The following GAS7 variants were observed in gnomAD, a reference collection of about 807,000 sequenced individuals.
GAS7 encodes growth arrest-specific protein 7.
GAS7 carries 28 observed loss-of-function variants against 71.1 expected under a neutral mutation model. The observed-to-expected ratio is 0.39, with a 90% CI of 0.29 to 0.54. The LOEUF (loss-of-function observed/expected upper bound fraction) is 0.54, where lower values mean the gene tolerates loss of function less well. Ranked by LOEUF, GAS7 falls within the 20% of genes least tolerant of loss-of-function variation. The pLI, the probability that GAS7 is intolerant of heterozygous loss-of-function variation, is 0.62. For missense variants in GAS7, 436 were observed against 627.8 expected (o/e 0.69, Z 3.27); for synonymous variants, 258 against 245.8 (o/e 1.05, Z -0.46).
At chr17:10,193,610 T>C (rs1414684801) in intron 1 of GAS7, among the ~76,000 whole-genome samples, 1 of 152,186 alleles carries the variant, frequency 6.6e-6, no homozygotes, top group Non-Finnish European at 1.5e-5. Flanking sequence ...GCCTTTGCAT[T>C]CTTAGAAGCC....
At chr17:10,138,481 G>C (rs1431101450) in intron 1 of GAS7, among the ~76,000 whole-genome samples, 1 of 152,018 alleles carries the variant, frequency 6.6e-6, no homozygotes, top group Non-Finnish European at 1.5e-5. Flanking sequence ...AACCAAACTA[G>C]AGGCTGGACG....
intron 10 of GAS7, 23 bp from the exon 11 acceptor site, chr17:9,925,622 A>G: frequency 6.2e-7 from 1 of 1,613,950 alleles, no homozygotes; most frequent in African/African-American, 1.3e-5. Context: ...GACACGGAGA[A>G]GCTGCTCATA....
chr17:10,000,387 G>A (rs1324095401), intron 2 of GAS7, among the ~76,000 whole-genome samples: 1 of 152,152 alleles, frequency 6.6e-6, no homozygotes, highest in Non-Finnish European at 1.5e-5. Flanking sequence ...GTTGGAGGTA[G>A]GACCCTTTAA....
rs997303079 is a variant in GAS7, at chr17:10,137,688, T to C, written c.183+60520A>G. Among the ~76,000 whole-genome samples the C allele has an allele frequency of 9.9e-5, 15 of 151,382 alleles. 2 individuals carry two copies. Among genetic ancestry groups the C allele is most frequent in the Admixed American group, 6.6e-4 (10 of 15,190 alleles). On this transcript the variant is annotated intron_variant, in intron 1 of 13. Coordinates refer to ENST00000432992, the MANE Select transcript of GAS7 (RefSeq NM_201433.2). ...CTAAGTAGCTGGGATTACAGGTGCATGCCACCACACCAAGCTAATTTTTTG... is the reference window on the plus strand; with the variant it reads ...CTAAGTAGCTGGGATTACAGGTGCACGCCACCACACCAAGCTAATTTTTTG...
At chr17:10,126,344 T>G (rs2073946516) in intron 1 of GAS7, among the ~76,000 whole-genome samples, 1 of 128,590 alleles carries the variant, frequency 7.8e-6, no homozygotes, top group Non-Finnish European at 1.7e-5. Flanking sequence ...ACACACACAC[T>G]CATACACTCA....
At position 9,943,222 on chromosome 17, in the gene GAS7, G is replaced by A. The variant is rs370319105; in HGVS notation, c.630C>T (p.Asp210=). Reference sequence around the variant, plus strand: ...CAGCCACGGTGCCGTTGCCTTGGGGGTCCTTCTTATCAGCCTACAAAGGAA... The same window carrying A: ...CAGCCACGGTGCCGTTGCCTTGGGGATCCTTCTTATCAGCCTACAAAGGAA... ...YCDYFWADKK[D]PQGNGTVAGF... Residue 210 remains aspartate, a synonymous_variant, in exon 7 of 14, where the codon GAC becomes GAT. Transcript: ENST00000432992. 57 of 1,604,356 alleles carry A rather than the reference G, an allele frequency of 3.6e-5. No individual in the cohort carries two copies. The highest frequency in any genetic ancestry group is 1.6e-4 in the Middle Eastern group (1 of 6,070).
At chr17:10,189,836 A>G (rs73282005) in intron 1 of GAS7, among the ~76,000 whole-genome samples, 66,548 of 151,692 alleles carry the variant, frequency 0.44, 15,396 homozygotes, top group African/African-American at 0.59. Flanking sequence ...CTACTTGGGA[A>G]GCTGAGGCAT....
chr17:10,100,998 G>A (rs1017299443), intron 1 of GAS7, among the ~76,000 whole-genome samples: 2 of 152,200 alleles, frequency 1.3e-5, no homozygotes, highest in Admixed American at 6.5e-5. Context: ...GCCACGTGCA[G>A]TGGCTCATGC....
intron 1 of GAS7, among the ~76,000 whole-genome samples, chr17:10,114,771 A>AT: frequency 6.6e-6 from 1 of 151,822 alleles, no homozygotes; most frequent in East Asian, 1.9e-4. Flanking sequence ...CAGAGATCGC[A>AT]TTTTTCCACA....
chr17:10,023,790 A>G (rs2072361710), intron 1 of GAS7, among the ~76,000 whole-genome samples: 1 of 152,198 alleles, frequency 6.6e-6, no homozygotes, highest in African/African-American at 2.4e-5. Flanking sequence ...TATATCACTG[A>G]TGGTAAATAT....
intron 1 of GAS7, chr17:10,061,405 G>C (rs2073218354): frequency 2.6e-5 from 4 of 152,232 alleles, no homozygotes; most frequent in Admixed American, 2.6e-4. Flanking sequence ...CCCAGGCTTG[G>C]TGGCCCCCAG....
intron 1 of GAS7, among the ~76,000 whole-genome samples, chr17:10,161,163 T>A (rs139781120): frequency 6.2e-4 from 94 of 152,308 alleles, no homozygotes; most frequent in African/African-American, 2.2e-3. Context: ...TTACCAAAGA[T>A]GGTCATGGCA....
intron 2 of GAS7, among the ~76,000 whole-genome samples, chr17:10,017,133 A>AAAATAAATAAAT (rs3076181): frequency 1.4e-4 from 19 of 132,496 alleles, no homozygotes; most frequent in South Asian, 4.7e-4. Flanking sequence ...CCTGTCTAAA[A>AAAATAAATAAAT]AAATAAATAA....
At chr17:10,178,452 G>A (rs2074389057) in intron 1 of GAS7, among the ~76,000 whole-genome samples, 1 of 151,974 alleles carries the variant, frequency 6.6e-6, no homozygotes, top group Admixed American at 6.6e-5. Context: ...TTTTCTCCCA[G>A]GTGAGGCAGA....
chr17:9,981,461 G>A lies in GAS7; in HGVS notation c.385+343C>T, dbSNP rs950472206. On this transcript the variant is annotated intron_variant, in intron 3 of 13. Transcript: ENST00000432992. The surrounding 1 kb of genome is among the most constrained non-coding windows in gnomAD (Gnocchi z 4.4). ...TCTACCTCCTTTTAGCTTCTACTCC[G>A]TGATGTCCACAAGAGCCACATAGGG... Among the ~76,000 whole-genome samples the A allele has an allele frequency of 2.6e-5, 4 of 152,176 alleles. No homozygotes were observed. Among genetic ancestry groups the A allele is most frequent in the Middle Eastern group, 6.8e-3 (2 of 294 alleles).
At chr17:10,196,891 C>T (rs2074544826) in intron 1 of GAS7, among the ~76,000 whole-genome samples, 1 of 152,192 alleles carries the variant, frequency 6.6e-6, no homozygotes, top group African/African-American at 2.4e-5. Context: ...GCAGGGCACA[C>T]CTGAGCCTCT....
chr17:10,134,856 C>T (rs1484127367), intron 1 of GAS7, among the ~76,000 whole-genome samples: 2 of 149,712 alleles, frequency 1.3e-5, no homozygotes, highest in Non-Finnish European at 3.0e-5. Context: ...TTTTTTAAGA[C>T]AGTCTCTCGC....
At chr17:9,988,610 C>G in intron 2 of GAS7, among the ~76,000 whole-genome samples, 1 of 152,118 alleles carries the variant, frequency 6.6e-6, no homozygotes, top group East Asian at 1.9e-4. Flanking sequence ...TTGCTTGAAG[C>G]CAGGAGGCGG....
Position 9,926,650 on chromosome 17 carries a change from C to T in GAS7, c.1005G>A (p.Ser335=), listed in dbSNP as rs763662823. The T allele has an allele frequency of 3.0e-5, 48 of 1,613,426 alleles. No individual in the cohort carries two copies. The highest frequency in any genetic ancestry group is 4.0e-5 in the African/African-American group (3 of 74,946). ...GTCCTGGGCCTCTCACCTTCTCCAC[C>T]GAGGCATAGCGGCTGGCGAGCTGCT... The part of the protein sequence containing the change: ...LRKQLASRYA[S]VEKARKALTE... The change falls in exon 10 of 14, where the codon TCG becomes TCA. Residue 335 remains serine (S), a synonymous_variant. Transcript: ENST00000432992. The surrounding 1 kb of genome is among the most constrained non-coding windows in gnomAD (Gnocchi z 5.0).
Sources: allele counts gnomAD v4.1 joint callset (sites outside exome capture counted in the v4.1 genomes callset), GRCh38; gene constraint gnomAD v4.1.1; non-coding constraint Gnocchi (gnomAD v3.1); transcripts MANE v1.5; gene names NCBI Gene and HGNC (gene_info 2026-07-23, HGNC 2026-07-21).